The following ERC2 variants were observed in gnomAD, a reference collection of about 807,000 sequenced individuals.
ERC2 encodes ERC protein 2.
In ERC2, 42 loss-of-function variants were observed where a neutral mutation model predicts 114.8. The observed-to-expected ratio is 0.37, with a 90% confidence interval of 0.29 to 0.47. The LOEUF is 0.47. Among genes scored for constraint, ERC2 ranks in the 20% least tolerant of loss-of-function variants. The pLI is 0.99. For missense variants in ERC2, 939 were observed against 1,150.7 expected, an observed-to-expected ratio of 0.82 and a Z score of 2.66; for synonymous variants, 454 against 425.5, an observed-to-expected ratio of 1.07 and a Z score of -0.82.
chr3:55,574,530 G>A (rs901154872), intron 17 of ERC2, among the ~76,000 whole-genome samples: 4 of 150,608 alleles, frequency 2.7e-5, no homozygotes, highest in Admixed American at 6.6e-5. Flanking sequence ...GAGCTGGGAT[G>A]GGGGGAGATA....
intron 17 of ERC2, among the ~76,000 whole-genome samples, chr3:55,578,709 G>A (rs2057108937): frequency 6.6e-6 from 1 of 152,192 alleles, no homozygotes; most frequent in African/African-American, 2.4e-5. Flanking sequence ...GGTCAGTTGG[G>A]TGATATGTCT....
At chr3:55,832,667 G>A (rs368835877) in intron 14 of ERC2, among the ~76,000 whole-genome samples, 1 of 152,196 alleles carries the variant, frequency 6.6e-6, no homozygotes, top group East Asian at 1.9e-4. Context: ...AGAAAACAGA[G>A]CAGAAAAACT....
At chr3:55,937,586 G>C (rs1410002295) in intron 13 of ERC2, among the ~76,000 whole-genome samples, 1 of 152,152 alleles carries the variant, frequency 6.6e-6, no homozygotes, top group Non-Finnish European at 1.5e-5. Context: ...GCACCTCCAG[G>C]GGGGTCACTG....
At chr3:56,024,238 C>T (rs984583917) in intron 7 of ERC2, among the ~76,000 whole-genome samples, 1 of 152,160 alleles carries the variant, frequency 6.6e-6, no homozygotes, top group Non-Finnish European at 1.5e-5. Flanking sequence ...GAATTATGCC[C>T]AGAGTTTTGA....
intron 2 of ERC2, among the ~76,000 whole-genome samples, chr3:56,425,554 CTTTTTCTT>C (rs1358097925): frequency 2.2e-5 from 2 of 92,588 alleles, no homozygotes; most frequent in Non-Finnish European, 4.0e-5. Flanking sequence ...CACCCCGACC[CTTTTTCTT>C]TTTTTTTTTT....
At chr3:55,796,081 G>T (rs572684531) in intron 14 of ERC2, among the ~76,000 whole-genome samples, 2 of 152,240 alleles carry the variant, frequency 1.3e-5, no homozygotes, top group Admixed American at 6.5e-5. Context: ...GGTGGTTGAG[G>T]GGGGAGGGTA....
chr3:55,989,710 C>T (rs1203732312), intron 11 of ERC2, among the ~76,000 whole-genome samples: 1 of 152,124 alleles, frequency 6.6e-6, no homozygotes, highest in African/African-American at 2.4e-5. Flanking sequence ...ATCATAGTTT[C>T]TCATCTGTAA....
At chr3:56,011,522 C>T (rs2149573523) in intron 8 of ERC2, among the ~76,000 whole-genome samples, 1 of 152,224 alleles carries the variant, frequency 6.6e-6, no homozygotes, top group South Asian at 2.1e-4. Context: ...CTGCCTTTGA[C>T]TTTCACACTG....
rs4974159 is a variant in ERC2 at position 55,991,923 on chromosome 3, C to T, written c.2255+134G>A. ...CCACAGAAACGTCATCTTTCACAGG[C>T]CATATTCCTCATTTATGACTTGTTT... is the stretch of plus-strand genomic sequence containing the variant. On this transcript the variant is annotated intron_variant, in intron 11 of 17. Coordinates refer to ENST00000288221, the MANE Select transcript of ERC2 (RefSeq NM_015576.3). 1.5e-5 allele frequency: 11 copies of T among 738,424 alleles called. 1 individual carries two copies. Among genetic ancestry groups the T allele is most frequent in the South Asian group, 3.7e-5 (2 of 54,150 alleles). 45.7% of individuals were successfully genotyped at this position (738,424 alleles called of 1,614,324 possible).
In ERC2 at chr3:55,891,437, ATTTTTT is replaced by A. The variant is rs869073962; in HGVS notation, c.2404-2894_2404-2889del. On this transcript the variant is annotated intron_variant, in intron 13 of 17. Coordinates refer to ENST00000288221, the MANE Select transcript of ERC2 (RefSeq NM_015576.3). ...CTTCACTGGTGAACTGTCTGGTTCT[ATTTTTT>A]TTTTTTTTTTTTTTTTTTTTTTGAG... is the stretch of plus-strand genomic sequence containing the variant. 1.3e-4 allele frequency among the ~76,000 whole-genome samples: 11 copies of A among 86,960 alleles called. No homozygotes were observed. The East Asian group carries it at 5.0e-3, about 39-fold the overall frequency. 57.0% of individuals were successfully genotyped at this position (86,960 alleles called of 152,430 possible).
At chr3:55,634,628 C>A (rs1575855795) in intron 17 of ERC2, among the ~76,000 whole-genome samples, 1 of 152,212 alleles carries the variant, frequency 6.6e-6, no homozygotes, top group Non-Finnish European at 1.5e-5. Context: ...ATTAAACCAT[C>A]TTCATAGTCA....
chr3:56,079,382 G>A (rs1278216308), intron 7 of ERC2, among the ~76,000 whole-genome samples: 1 of 152,130 alleles, frequency 6.6e-6, no homozygotes, highest in Non-Finnish European at 1.5e-5. Context: ...GGTTCAGAAT[G>A]AGAATGTCCC....
intron 3 of ERC2, among the ~76,000 whole-genome samples, chr3:56,222,538 G>A (rs967836662): frequency 6.6e-6 from 1 of 151,922 alleles, no homozygotes; most frequent in Non-Finnish European, 1.5e-5. Flanking sequence ...AATAAGCTTG[G>A]GTGCTCTTGC....
At chr3:56,218,223 T>A (rs1433373856) in intron 3 of ERC2, among the ~76,000 whole-genome samples, 1 of 151,726 alleles carries the variant, frequency 6.6e-6, no homozygotes, top group East Asian at 1.9e-4. Flanking sequence ...TGGGAGAAAA[T>A]TTTTGCAATC....
intron 4 of ERC2, among the ~76,000 whole-genome samples, chr3:56,158,602 G>T (rs1416428176): frequency 6.6e-6 from 1 of 152,028 alleles, no homozygotes; most frequent in African/African-American, 2.4e-5. Flanking sequence ...ACCCGTACAG[G>T]CTAGTATCAT....
chr3:56,137,639 T>C (rs1003603810), intron 6 of ERC2, among the ~76,000 whole-genome samples: 2 of 152,222 alleles, frequency 1.3e-5, no homozygotes, highest in Admixed American at 6.5e-5. Context: ...TATGGCTGTG[T>C]TCCAATAATA....
chr3:55,862,833 A>G (rs894637965), intron 14 of ERC2, among the ~76,000 whole-genome samples: 1 of 152,124 alleles, frequency 6.6e-6, no homozygotes, highest in Admixed American at 6.5e-5. Flanking sequence ...TGGTTTTATC[A>G]TTGTCTGCAA....
At chr3:56,394,548 G>T (rs772810006) in intron 2 of ERC2, among the ~76,000 whole-genome samples, 1 of 151,934 alleles carries the variant, frequency 6.6e-6, no homozygotes, top group Non-Finnish European at 1.5e-5. Context: ...TTTAAAAATG[G>T]GCAAAAGATC....
intron 17 of ERC2, among the ~76,000 whole-genome samples, chr3:55,515,485 A>G (rs886841946): frequency 6.6e-6 from 1 of 151,392 alleles, no homozygotes; most frequent in Non-Finnish European, 1.5e-5. Context: ...CTCCTGCCTC[A>G]GCCTCCCAAG....
Sources: gnomAD v4.1 joint callset for allele counts (sites outside exome capture counted in the v4.1 genomes callset) on GRCh38, gnomAD v4.1.1 for gene constraint, MANE v1.5 for transcripts, NCBI Gene and HGNC (gene_info 2026-07-23, HGNC 2026-07-21) for gene names.